SGCD: variants seen among roughly 807,000 people sequenced by gnomAD.
The protein encoded by SGCD is sarcoglycan delta.
A neutral mutation model predicts 36.6 loss-of-function variants in SGCD; 18 were observed. That is an observed-to-expected ratio of 0.49 (90% CI 0.34 to 0.73). The LOEUF is 0.73. SGCD is among the 30% of genes least tolerant of loss of function. SGCD has a pLI of 0.01. For missense variants in SGCD, 387 were observed against 346.7 expected (o/e 1.12, Z -0.92); for synonymous variants, 133 against 130.6 (o/e 1.02, Z -0.12).
chr5:156,386,736 T>A (rs929877423), intron 3 of SGCD, among the ~76,000 whole-genome samples: 19 of 152,246 alleles, frequency 1.2e-4, no homozygotes, highest in African/African-American at 4.6e-4. Context: ...TTCGGAGCAC[T>A]CCAAGTGTTG....
At chr5:156,621,762 G>T (rs1762258999) in intron 6 of SGCD, among the ~76,000 whole-genome samples, 1 of 152,240 alleles carries the variant, frequency 6.6e-6, no homozygotes, top group Admixed American at 6.5e-5. Context: ...AACACAGAGA[G>T]TAGAGATGGA....
At chr5:156,399,497 C>T (rs1413415697) in intron 3 of SGCD, among the ~76,000 whole-genome samples, 1 of 152,180 alleles carries the variant, frequency 6.6e-6, no homozygotes, top group Non-Finnish European at 1.5e-5. Flanking sequence ...GCTTTACTGG[C>T]CAGCTTCCTT....
At chr5:155,781,003 CCT>C in the SGCD span, among the ~76,000 whole-genome samples, 4,148 of 152,166 alleles carry the variant, frequency 0.027, 87 homozygotes, top group Middle Eastern at 0.089. Context: ...TTATTTTTCC[CCT>C]GTTTGTGTGT....
intron 1 of SGCD, among the ~76,000 whole-genome samples, chr5:156,013,128 C>T (rs1758895585): frequency 6.6e-6 from 1 of 151,174 alleles, no homozygotes; most frequent in African/African-American, 2.4e-5. Context: ...CGAGTTCAGG[C>T]GATTCTCCTG....
intron 3 of SGCD, among the ~76,000 whole-genome samples, chr5:156,291,010 C>T (rs991096573): frequency 1.3e-5 from 2 of 152,004 alleles, no homozygotes; most frequent in African/African-American, 4.8e-5. Flanking sequence ...TCTGAGGATG[C>T]TCAGGTCTTA....
intron 7 of SGCD, among the ~76,000 whole-genome samples, chr5:156,712,814 C>G (rs770830799): frequency 6.6e-6 from 1 of 152,192 alleles, no homozygotes; most frequent in Non-Finnish European, 1.5e-5. Context: ...CCAGGACAGC[C>G]TGGCTTCCCA....
intron 3 of SGCD, among the ~76,000 whole-genome samples, chr5:156,257,788 C>T (rs552203065): frequency 2.8e-4 from 43 of 152,100 alleles, no homozygotes; most frequent in South Asian, 1.2e-3. Context: ...CCCTTGAACC[C>T]GGGAGGTGGA....
chr5:156,016,128 A>T (rs1038002693), intron 1 of SGCD, among the ~76,000 whole-genome samples: 3 of 152,116 alleles, frequency 2.0e-5, no homozygotes, highest in Non-Finnish European at 4.4e-5. Flanking sequence ...TCATTTGCTC[A>T]ATTCTGCAAT....
intron 3 of SGCD, among the ~76,000 whole-genome samples, chr5:156,250,762 T>A (rs1019971829): frequency 6.6e-6 from 1 of 152,132 alleles, no homozygotes; most frequent in Non-Finnish European, 1.5e-5. Flanking sequence ...GAGTTAGCGA[T>A]CAGGGAAAAT....
At chr5:156,606,354 G>A (rs188510177) in intron 6 of SGCD, among the ~76,000 whole-genome samples, 1,641 of 152,216 alleles carry the variant, frequency 0.011, 29 homozygotes, top group African/African-American at 0.037. Flanking sequence ...TCAGATAGTT[G>A]TAGATATGTG....
intron 7 of SGCD, among the ~76,000 whole-genome samples, chr5:156,748,954 G>A (rs996861352): frequency 2.0e-5 from 3 of 151,994 alleles, no homozygotes; most frequent in Non-Finnish European, 4.4e-5. Flanking sequence ...CAGTAGAGAT[G>A]GGGTTTTACT....
chr5:156,559,053 A>G (rs749727765), intron 4 of SGCD, among the ~76,000 whole-genome samples: 1 of 152,140 alleles, frequency 6.6e-6, no homozygotes, highest in African/African-American at 2.4e-5. Flanking sequence ...TGTGAGTTGA[A>G]CGCCAGCTCT....
intron 3 of SGCD, among the ~76,000 whole-genome samples, chr5:156,166,203 A>G (rs548177611): frequency 6.6e-6 from 1 of 152,244 alleles, no homozygotes; most frequent in Admixed American, 6.5e-5. Flanking sequence ...TCACTTTGAT[A>G]TATCTTTTTT....
chr5:156,549,624 A>T (rs961171579), intron 4 of SGCD, among the ~76,000 whole-genome samples: 3 of 152,248 alleles, frequency 2.0e-5, no homozygotes, highest in Admixed American at 2.0e-4. Flanking sequence ...ACTAGGCCAC[A>T]TTCATGGCAT....
At chr5:156,513,187 C>G (rs777829119) in intron 4 of SGCD, among the ~76,000 whole-genome samples, 22 of 152,138 alleles carry the variant, frequency 1.4e-4, no homozygotes, top group Non-Finnish European at 2.2e-4. Flanking sequence ...GTCCACAGGG[C>G]TTGCCTCTCT....
intron 7 of SGCD, among the ~76,000 whole-genome samples, chr5:156,752,008 A>G (rs1757163666): frequency 6.6e-6 from 1 of 152,234 alleles, no homozygotes; most frequent in Non-Finnish European, 1.5e-5. Flanking sequence ...TGTAAAAACA[A>G]AAACCCAAAA....
chr5:155,973,417 G>A (rs1758044853), intron 1 of SGCD, among the ~76,000 whole-genome samples: 1 of 152,152 alleles, frequency 6.6e-6, no homozygotes, highest in African/African-American at 2.4e-5. Flanking sequence ...CAGCACAAGT[G>A]TTAACTTCTT....
At chr5:156,584,010 G>A (rs986966764) in intron 4 of SGCD, among the ~76,000 whole-genome samples, 1 of 152,100 alleles carries the variant, frequency 6.6e-6, no homozygotes, top group Non-Finnish European at 1.5e-5. Flanking sequence ...ACTAGGAAAG[G>A]AAAGGATTTC....
chr5:156,225,855 T>G (rs1764842166), intron 3 of SGCD, among the ~76,000 whole-genome samples: 1 of 152,040 alleles, frequency 6.6e-6, no homozygotes, highest in Admixed American at 6.6e-5. Context: ...GATTCCCTTT[T>G]TATTCAAGAG....
Sources: allele counts gnomAD v4.1 joint callset (sites outside exome capture counted in the v4.1 genomes callset), GRCh38; gene constraint gnomAD v4.1.1; transcripts MANE v1.5; gene names NCBI Gene and HGNC (gene_info 2026-07-23, HGNC 2026-07-21).